Variants in ADAMTS8 observed in about 807,000 individuals in gnomAD.
ADAMTS8 encodes the protein A disintegrin and metalloproteinase with thrombospondin motifs 8.
Under a neutral mutation model 64.4 loss-of-function variants are expected in ADAMTS8, and 50 were observed. The observed-to-expected ratio is 0.78, with a 90% CI of 0.62 to 0.98. The LOEUF is 0.98. Ranked by LOEUF, ADAMTS8 falls within the 50% of genes least tolerant of loss-of-function variation. The pLI is 0.00. For missense variants in ADAMTS8, 1,192 were observed against 1,208.2 expected, an observed-to-expected ratio of 0.99 and a Z score of 0.20; for synonymous variants, 556 against 533.6, an observed-to-expected ratio of 1.04 and a Z score of -0.58.
chr11:130,417,307 A>G (rs993445092), intron 2 of ADAMTS8, among the ~76,000 whole-genome samples: 1 of 152,058 alleles, frequency 6.6e-6, no homozygotes, highest in Non-Finnish European at 1.5e-5. Flanking sequence ...TCCAGGCTGG[A>G]GTGCAGTGGC....
In ADAMTS8 at chr11:130,427,843, G is replaced by T; in HGVS notation, c.444C>A (p.His148Gln). ...CGGCGGGACCCCAGCGCTGCAGGCG[G>T]TGCGGCTGAGCCAGGGAGCCCCCCG... ...QGAGGSLAQP[H>Q]RLQRWGPAGA... Residue 148 changes from histidine to glutamine, a missense_variant, in exon 1 of 9, where the codon CAC (histidine) becomes CAA (glutamine). Physicochemically the swap from His to Gln is conservative, Grantham distance 24. This residue lies in a region of ADAMTS8 where 741 missense variants were observed against 710.6 expected (regional missense o/e 1.04). Transcript: ENST00000257359. 6.5e-7 allele frequency: 1 copy of T among 1,542,116 alleles called. No individual in the cohort carries two copies.
In ADAMTS8 at chr11:130,406,654, C is replaced by T. The variant is rs139908253; in HGVS notation, c.2100-526G>A. Among the ~76,000 whole-genome samples, 1,335 of 152,188 alleles carry T rather than the reference C, an allele frequency of 8.8e-3. 16 individuals carry two copies. The highest frequency in any genetic ancestry group is 0.031 in the African/African-American group (1,270 of 41,506). On this transcript the variant is annotated intron_variant, in intron 8 of 8. Transcript: ENST00000257359. ...GGCTCCTAGTATTTGATGAATATGG[C>T]CCTAGGGTGGGATCAGGGTGGGGTT...
chr11:130,427,637 T>C lies in ADAMTS8; in HGVS notation c.650A>G (p.Glu217Gly). ...ATSRTKRFVS[E>G]ARFVETLLVA... The stretch of plus-strand genomic sequence containing the variant: ...CAGCAGCGTCTCCACGAAGCGCGCC[T>C]CAGACACAAACCGCTTGGTCCTACT... Residue 217 changes from glutamate (E) to glycine (G), a missense_variant, in exon 1 of 9, where the codon GAG (glutamate) becomes GGG (glycine). Physicochemically the swap from Glu to Gly is moderately conservative, Grantham distance 98 (BLOSUM62 -2). Around this residue, in one of 5 missense-constraint regions of ADAMTS8, gnomAD observed 741 missense variants for 710.6 expected, o/e 1.04. Coordinates refer to ENST00000257359, the MANE Select transcript of ADAMTS8 (RefSeq NM_007037.6). 7 of 1,578,630 alleles carry C rather than the reference T, an allele frequency of 4.4e-6. No individual in the cohort carries two copies. The highest frequency in any genetic ancestry group is 6.0e-6 in the Non-Finnish European group (7 of 1,165,068).
Position 130,419,049 on chromosome 11 carries a change from G to C in ADAMTS8, c.960+4C>G, listed in dbSNP as rs368655822. 1.7e-5 allele frequency: 28 copies of C among 1,613,898 alleles called. No individual in the cohort carries two copies. Among genetic ancestry groups the C allele is most frequent in the Non-Finnish European group, 2.4e-5 (28 of 1,180,016 alleles). ...CCCCAGGGCTTCCGGAGCCAGGCACGGACCTGTCTGGTGAGCAGGATGGCC... is the reference window on the plus strand; with the variant it reads ...CCCCAGGGCTTCCGGAGCCAGGCACCGACCTGTCTGGTGAGCAGGATGGCC... On this transcript the variant is annotated splice_donor_region_variant and intron_variant, in intron 2 of 8. Transcript: ENST00000257359.
At chr11:130,415,981 TG>T (rs1283614947) in intron 4 of ADAMTS8, among the ~76,000 whole-genome samples, 181 bp downstream of exon 4, 1 of 152,212 alleles carries the variant, frequency 6.6e-6, no homozygotes, top group African/African-American at 2.4e-5. Context: ...AGAACTCGGC[TG>T]CTGGAAGATG....
chr11:130,415,856 C>G (rs560625324), intron 4 of ADAMTS8, among the ~76,000 whole-genome samples: 77 of 152,246 alleles, frequency 5.1e-4, no homozygotes, highest in African/African-American at 1.8e-3. Context: ...GTTGTAGGTT[C>G]GTCTCTCCTC....
intron 1 of ADAMTS8, among the ~76,000 whole-genome samples, chr11:130,427,242 G>A (rs947949848): frequency 1.3e-5 from 2 of 152,194 alleles, no homozygotes; most frequent in Non-Finnish European, 2.9e-5. Context: ...GGAATGCGTT[G>A]ATACCCACTT....
At chr11:130,424,993 G>C (rs908386147) in intron 1 of ADAMTS8, among the ~76,000 whole-genome samples, 2 of 152,162 alleles carry the variant, frequency 1.3e-5, no homozygotes, top group African/African-American at 4.8e-5. Flanking sequence ...TCAGCCTTCA[G>C]AGGTGCCCGA....
At position 130,408,523 on chromosome 11, in the gene ADAMTS8, C is replaced by T. The variant is rs1406317845; in HGVS notation, c.2040G>A (p.Gly680=). ...VDSPRKLDKC[G]VCGGKGNSCR... ...AGGAGTTGCCTTTGCCCCCACACAC[C>T]CCGCATTTGTCCAGCTTCCGAGGCG... Residue 680 remains glycine (G), a synonymous_variant, in exon 8 of 9, where the codon GGG becomes GGA. Coordinates refer to ENST00000257359, the MANE Select transcript of ADAMTS8 (RefSeq NM_007037.6). 3 of 1,614,118 alleles carry T rather than the reference C, an allele frequency of 1.9e-6. No homozygotes were observed. In the East Asian group the frequency reaches 6.7e-5, roughly 36 times the overall value.
rs574162951 is a variant in ADAMTS8 at position 130,424,690 on chromosome 11, C to T, written c.720+2877G>A. 2.0e-5 allele frequency among the ~76,000 whole-genome samples: 3 copies of T among 152,300 alleles called. No individual in the cohort carries two copies. In the South Asian group the frequency reaches 6.2e-4, roughly 32 times the overall value. ...GAGGCACGGGAACTTGATTTTCATTCTTCTCTCAGCTGGGCTCATGGATCT... is the reference window on the plus strand; with the variant it reads ...GAGGCACGGGAACTTGATTTTCATTTTTCTCTCAGCTGGGCTCATGGATCT... On this transcript the variant is annotated intron_variant, in intron 1 of 8. Coordinates refer to ENST00000257359, the MANE Select transcript of ADAMTS8 (RefSeq NM_007037.6).
chr11:130,408,981 G>A (rs774904636), intron 6 of ADAMTS8, 41 bp from the exon 7 acceptor site: 5 of 1,501,120 alleles, frequency 3.3e-6, no homozygotes, highest in South Asian at 1.4e-5. Flanking sequence ...ACACCCATGC[G>A]GAAGCAGGAG....
Position 130,405,582 on chromosome 11 carries a change from G to T in ADAMTS8, c.2646C>A (p.Cys882Ter). The change falls in exon 9 of 9, where the codon TGC becomes TGA. Residue 882 changes from cysteine to a stop codon, truncating the protein, a stop_gained. Transcript: ENST00000257359. LOFTEE classifies it high-confidence loss of function. The stretch of plus-strand genomic sequence containing the variant: ...ATCACAGGGGGCACAGCTGGCTTTC[G>T]CAGGGCTTGGCATCCTCGGGTTTCA... ...KALKPEDAKP[C>*]ESQLCPL is the part of the protein sequence containing the mutation. The T allele has an allele frequency of 1.9e-6, 3 of 1,607,068 alleles. No individual in the cohort carries two copies. The highest frequency in any genetic ancestry group is 1.1e-5 in the South Asian group (1 of 90,706).
rs1303022657 is a variant in ADAMTS8, at chr11:130,427,576, G to T, written c.711C>A (p.Ala237=). 2.0e-6 allele frequency: 3 copies of T among 1,538,320 alleles called. No homozygotes were observed. In the African/African-American group the frequency reaches 4.1e-5, roughly 21 times the overall value. The part of the protein sequence containing the change: ...ADASMAAFYG[A]DLQNHILTLM... ...AGGCTCTCAGTCCTACCTGCAGGTC[G>T]GCCCCGTAGAAGGCAGCCATGGACG... Residue 237 remains alanine (A), a synonymous_variant, in exon 1 of 9, where the codon GCC becomes GCA. Coordinates refer to ENST00000257359, the MANE Select transcript of ADAMTS8 (RefSeq NM_007037.6).
chr11:130,428,599 C>A lies in ADAMTS8; in HGVS notation c.-313G>T, dbSNP rs1430418585. The stretch of plus-strand genomic sequence containing the variant: ...GCCGCCTCCTGCCTCCTCCCCACCC[C>A]GGGAAGCACCGAGTGGGCTGCCGAG... On this transcript the variant is annotated 5_prime_UTR_variant, in exon 1 of 9. Transcript: ENST00000257359. 3 of 241,464 alleles carry A rather than the reference C, an allele frequency of 1.2e-5. No homozygotes were observed. The highest frequency in any genetic ancestry group is 1.3e-4 in the Admixed American group (2 of 15,330). The allele number at this position is 241,464 out of a possible 1,614,324, so 15.0% of individuals were successfully genotyped here. A position where few individuals can be genotyped will look rare whatever the true frequency, so the allele number is the denominator to read the frequency against.
chr11:130,421,765 C>T (rs545750037), intron 1 of ADAMTS8, among the ~76,000 whole-genome samples: 1 of 152,114 alleles, frequency 6.6e-6, no homozygotes, highest in Non-Finnish European at 1.5e-5. Flanking sequence ...CTTTGATTCT[C>T]CCCCAATATC....
In ADAMTS8 at chr11:130,406,074, C is replaced by A. The variant is rs948359719; in HGVS notation, c.2154G>T (p.Val718=). 1.9e-6 allele frequency: 3 copies of A among 1,613,474 alleles called. No individual in the cohort carries two copies. The African/African-American group carries it at 4.0e-5, about 22-fold the overall frequency. The stretch of plus-strand genomic sequence containing the variant: ...GCACACCCGGGTGGCTCCGCTGCTT[C>A]ACGTCAATATTAGTGGCACCAGCTG... ...TIPAGATNID[V]KQRSHPGVQN... The change falls in exon 9 of 9, where the codon GTG becomes GTT. Residue 718 remains valine, a synonymous_variant. Transcript: ENST00000257359.
chr11:130,406,741 G>C (rs1482860019), intron 8 of ADAMTS8, among the ~76,000 whole-genome samples: 1 of 152,206 alleles, frequency 6.6e-6, no homozygotes, highest in African/African-American at 2.4e-5. Flanking sequence ...CAGGCACCAT[G>C]AGCACTGTGC....
chr11:130,408,354 A>C (rs1861909274), intron 8 of ADAMTS8, 110 bp downstream of exon 8: 2 of 1,329,434 alleles, frequency 1.5e-6, no homozygotes, highest in African/African-American at 2.9e-5. Context: ...TAACTTGCCC[A>C]ACCCTCACAG....
In ADAMTS8 at chr11:130,414,662, T is replaced by A. The variant is rs1565376242; in HGVS notation, c.1435A>T (p.Thr479Ser). 2.5e-6 allele frequency: 4 copies of A among 1,613,790 alleles called. No individual in the cohort carries two copies. Among genetic ancestry groups the A allele is most frequent in the Non-Finnish European group, 3.4e-6 (4 of 1,180,032 alleles). Residue 479 changes from threonine (T) to serine (S), a missense_variant, in exon 5 of 9, where the codon ACT becomes TCT. This residue lies in a region of ADAMTS8 where 741 missense variants were observed against 710.6 expected (regional missense o/e 1.04). Coordinates refer to ENST00000257359, the MANE Select transcript of ADAMTS8 (RefSeq NM_007037.6). The stretch of plus-strand genomic sequence containing the variant: ...TGGCACAGGGGCTCAGCCCCATCAG[T>A]GTGGCACCAAAGCTGGGCGCAGACG... ...QDVCAQLWCH[T>S]DGAEPLCHTK...
Sources: gnomAD v4.1 joint callset for allele counts (sites outside exome capture counted in the v4.1 genomes callset) on GRCh38, gnomAD v4.1.1 for gene constraint, gnomAD v4.1.1 regional missense constraint, MANE v1.5 for transcripts, NCBI Gene and HGNC (gene_info 2026-07-23, HGNC 2026-07-21) for gene names.